MICU3: variants seen among roughly 807,000 people sequenced by gnomAD.
MICU3 encodes the protein mitochondrial calcium uptake 3, also known as calcium uptake protein 3, mitochondrial.
In MICU3, 62 loss-of-function variants were observed where a neutral mutation model predicts 66.5. The ratio of observed to expected loss-of-function variants is 0.93; its 90% CI spans 0.76 to 1.15. MICU3 has a LOEUF of 1.15. MICU3 is among the 50% of genes most tolerant of loss of function. The pLI, the probability that MICU3 is intolerant of heterozygous loss-of-function variation, is 0.00. For synonymous variants in MICU3, 308 were observed against 240.7 expected, an observed-to-expected ratio of 1.28 and a Z score of -2.59; for missense variants, 779 against 664.4, an observed-to-expected ratio of 1.17 and a Z score of -1.90.
At chr8:17,085,018 C>T (rs534650266) in intron 5 of MICU3, among the ~76,000 whole-genome samples, 3 of 151,986 alleles carry the variant, frequency 2.0e-5, no homozygotes, top group Admixed American at 6.6e-5. Flanking sequence ...AAATTTTTCT[C>T]TCAGTGCTAT....
chr8:17,108,500 G>C (rs1801924567), intron 11 of MICU3, among the ~76,000 whole-genome samples: 1 of 152,112 alleles, frequency 6.6e-6, no homozygotes, highest in Admixed American at 6.5e-5. Context: ...CCCTGTTTCA[G>C]TTCATAGGAC....
intron 8 of MICU3, among the ~76,000 whole-genome samples, chr8:17,096,274 T>A (rs1296713904): frequency 1.3e-5 from 2 of 151,962 alleles, no homozygotes; most frequent in South Asian, 4.1e-4. Context: ...TGCATAGATA[T>A]GTTCTGGTTT....
intron 1 of MICU3, chr8:17,049,736 GCCTGTGTGAC>G (rs1355715360): frequency 2.1e-6 from 1 of 487,678 alleles, no homozygotes; most frequent in Non-Finnish European, 4.1e-6. Flanking sequence ...CCCATTTGCT[GCCTGTGTGAC>G]CCTGTTGAAG....
chr8:17,090,719 G>A (rs1799958562), intron 8 of MICU3, 135 bp downstream of exon 8: 2 of 570,984 alleles, frequency 3.5e-6, no homozygotes, highest in South Asian at 8.1e-5. Context: ...CACAATAGGT[G>A]CAATGAAGCC....
At chr8:17,116,391 ATAT>A (rs1802679168) in intron 12 of MICU3, 49 bp from the exon 13 acceptor site, 1 of 1,169,484 alleles carries the variant, frequency 8.6e-7, no homozygotes, top group East Asian at 2.9e-5. Context: ...TAATTAACAC[ATAT>A]TATAAAAATA....
At chr8:17,129,013 GC>G in the MICU3 span, among the ~76,000 whole-genome samples, 33 of 152,282 alleles carry the variant, frequency 2.2e-4, no homozygotes, top group Non-Finnish European at 4.0e-4. Context: ...GTTCAAATCA[GC>G]CAGTGTGTGA....
At position 17,046,488 on chromosome 8, in the gene MICU3, A is replaced by G. The variant is rs1585212606; in HGVS notation, c.382-17596A>G. ...TGGTAATATAGAATCAGTCATAAAA[A>G]TCTTTTAAATGTAACTAAATACCAC... is the stretch of plus-strand genomic sequence containing the variant. On this transcript the variant is annotated intron_variant, in intron 1 of 14. Transcript: ENST00000318063. 2.0e-5 allele frequency among the ~76,000 whole-genome samples: 3 copies of G among 152,348 alleles called. No individual in the cohort carries two copies. The East Asian group carries it at 5.8e-4, about 29-fold the overall frequency.
At chr8:17,130,269 A>G in the MICU3 span, among the ~76,000 whole-genome samples, 1 of 152,206 alleles carries the variant, frequency 6.6e-6, no homozygotes, top group Non-Finnish European at 1.5e-5. Flanking sequence ...TCACACCTGT[A>G]ATCCCAGCAC....
downstream of MICU3, among the ~76,000 whole-genome samples, chr8:17,125,192 G>A (rs1388696119): frequency 2.0e-5 from 3 of 150,738 alleles, no homozygotes; most frequent in East Asian, 3.9e-4. Flanking sequence ...TCTTTTTATT[G>A]TACCTTTTAA....
downstream of MICU3, among the ~76,000 whole-genome samples, chr8:17,122,882 T>G (rs1056195908): frequency 2.7e-5 from 4 of 146,780 alleles, no homozygotes; most frequent in Non-Finnish European, 6.1e-5. Flanking sequence ...TTATGGTCAT[T>G]GGTACTGGAA....
intron 1 of MICU3, among the ~76,000 whole-genome samples, chr8:17,051,122 T>C (rs1351604199): frequency 2.0e-5 from 3 of 152,172 alleles, no homozygotes; most frequent in African/African-American, 7.2e-5. Context: ...TCCAAAAAAG[T>C]TCATTGAACA....
chr8:17,055,409 G>C (rs1816770704), intron 1 of MICU3, among the ~76,000 whole-genome samples: 1 of 152,180 alleles, frequency 6.6e-6, no homozygotes, highest in Non-Finnish European at 1.5e-5. Flanking sequence ...ATGAGTCCCT[G>C]ATGTTGTCAC....
intron 1 of MICU3, among the ~76,000 whole-genome samples, chr8:17,034,727 A>G (rs1419344572): frequency 3.3e-5 from 5 of 152,246 alleles, no homozygotes; most frequent in African/African-American, 9.6e-5. Context: ...GCCTAAAGAT[A>G]TGACTGAATT....
Position 17,064,090 on chromosome 8 carries a change from A to C in MICU3, c.388A>C (p.Ile130Leu). The change falls in exon 2 of 15, where the codon ATT becomes CTT. Residue 130 changes from isoleucine to leucine, a missense_variant. Coordinates refer to ENST00000318063, the MANE Select transcript of MICU3 (RefSeq NM_181723.3). ...TTTGCTTTCTTAACTTTAGGTTGCT[A>C]TTGGCAGAACAGACATTGAAGACTT... ...PVAAAKETVA[I>L]GRTDIEDLDL... 1 of 1,608,826 alleles carries C rather than the reference A, an allele frequency of 6.2e-7. No homozygotes were observed. The highest frequency in any genetic ancestry group is 8.5e-7 in the Non-Finnish European group (1 of 1,177,350).
At position 17,041,157 on chromosome 8, in the gene MICU3, T is replaced by G. The variant is rs184604815; in HGVS notation, c.381+13497T>G. ...AATGGATGACATTGTTCAGAATATGTAGAATGAGAAGAGAAAAGCATCTAA... is the reference window on the plus strand; with the variant it reads ...AATGGATGACATTGTTCAGAATATGGAGAATGAGAAGAGAAAAGCATCTAA... On this transcript the variant is annotated intron_variant, in intron 1 of 14. Transcript: ENST00000318063. Among the ~76,000 whole-genome samples the G allele has an allele frequency of 4.7e-4, 71 of 151,908 alleles. 3 individuals are homozygous for G. The highest frequency in any genetic ancestry group is 1.7e-3 in the African/African-American group (69 of 41,394).
chr8:17,128,274 A>G, the MICU3 span, among the ~76,000 whole-genome samples: 1 of 151,188 alleles, frequency 6.6e-6, no homozygotes, highest in Non-Finnish European at 1.5e-5. Context: ...ACACACCAGA[A>G]TGAAGCAGAA....
chr8:17,102,777 A>T (rs1003303812), intron 9 of MICU3: 2 of 151,930 alleles, frequency 1.3e-5, no homozygotes, highest in Non-Finnish European at 2.9e-5. Context: ...CTCCCGGCAA[A>T]CAGATCAAAC....
At chr8:17,105,823 G>A (rs145234770) in intron 11 of MICU3, among the ~76,000 whole-genome samples, 163 of 152,042 alleles carry the variant, frequency 1.1e-3, no homozygotes, top group Non-Finnish European at 2.0e-3. Flanking sequence ...ACTACCAATT[G>A]TTTTATTCAA....
intron 1 of MICU3, among the ~76,000 whole-genome samples, chr8:17,031,552 C>T (rs1025489886): frequency 1.3e-4 from 19 of 151,934 alleles, no homozygotes; most frequent in Non-Finnish European, 2.4e-4. Context: ...TTGCAAAGTG[C>T]TGGGAATACA....
Sources: gnomAD v4.1 joint callset for allele counts (sites outside exome capture counted in the v4.1 genomes callset) on GRCh38, gnomAD v4.1.1 for gene constraint, MANE v1.5 for transcripts, NCBI Gene and HGNC (gene_info 2026-07-23, HGNC 2026-07-21) for gene names.